GNAQ: variants seen among roughly 807,000 people sequenced by gnomAD.
The protein encoded by GNAQ is G protein subunit alpha q.
GNAQ carries 8 observed loss-of-function variants against 43.9 expected under a neutral mutation model. The observed-to-expected ratio is 0.18, with a 90% CI of 0.11 to 0.33. The LOEUF is 0.33. Among genes scored for constraint, GNAQ ranks in the 10% least tolerant of loss-of-function variants. The pLI, the probability that GNAQ is intolerant of heterozygous loss-of-function variation, is 1.00. For missense variants in GNAQ, 158 were observed against 450.8 expected, an observed-to-expected ratio of 0.35 and a Z score of 5.88; for synonymous variants, 155 against 170.7, an observed-to-expected ratio of 0.91 and a Z score of 0.71.
intron 1 of GNAQ, among the ~76,000 whole-genome samples, chr9:78,027,157 A>T (rs1481541027): frequency 6.6e-6 from 1 of 152,234 alleles, no homozygotes; most frequent in African/African-American, 2.4e-5. Context: ...TGTGTGATGC[A>T]ACATCTTACA....
At chr9:77,780,494 C>T (rs1158075492) in intron 5 of GNAQ, among the ~76,000 whole-genome samples, 1 of 150,792 alleles carries the variant, frequency 6.6e-6, no homozygotes, top group East Asian at 1.9e-4. Flanking sequence ...ATACATACTA[C>T]ATTTTCTTTA....
chr9:77,857,875 T>G (rs1264173054), intron 2 of GNAQ, among the ~76,000 whole-genome samples: 1 of 127,208 alleles, frequency 7.9e-6, no homozygotes, highest in Admixed American at 7.2e-5. Flanking sequence ...AATAAAGGTT[T>G]TTTTTTTTTT....
chr9:77,775,614 C>T (rs190144124), intron 5 of GNAQ, among the ~76,000 whole-genome samples: 13 of 151,870 alleles, frequency 8.6e-5, no homozygotes, highest in Admixed American at 6.6e-4. Context: ...GGGGTTTCAC[C>T]ATGGTCTCGA....
chr9:77,996,689 AAAAAAAAGAAAAAAG>A (rs1823573826), intron 1 of GNAQ, among the ~76,000 whole-genome samples: 2 of 150,962 alleles, frequency 1.3e-5, no homozygotes, highest in African/African-American at 2.5e-5. Context: ...AAAAAAAAAA[AAAAAAAAGAAAAAAG>A]AAAAAAAGAA....
chr9:77,856,029 T>C (rs776919727), intron 2 of GNAQ, among the ~76,000 whole-genome samples: 3 of 152,238 alleles, frequency 2.0e-5, no homozygotes, highest in Non-Finnish European at 4.4e-5. Context: ...TCATAGATCT[T>C]GCTTACCAAC....
intron 1 of GNAQ, among the ~76,000 whole-genome samples, chr9:78,026,990 G>C (rs534320061): frequency 6.6e-6 from 1 of 152,136 alleles, no homozygotes; most frequent in Non-Finnish European, 1.5e-5. Flanking sequence ...GGAGAAAAAT[G>C]TATGGTAAAA....
chr9:77,976,584 G>T (rs1015342277), intron 1 of GNAQ, among the ~76,000 whole-genome samples: 4 of 152,226 alleles, frequency 2.6e-5, no homozygotes, highest in African/African-American at 7.2e-5. Flanking sequence ...CAGAGATGGG[G>T]TTTCACCATA....
At chr9:77,726,580 A>T (rs1587885101) in intron 6 of GNAQ, among the ~76,000 whole-genome samples, 1 of 152,216 alleles carries the variant, frequency 6.6e-6, no homozygotes, top group African/African-American at 2.4e-5. Flanking sequence ...TAAAGTAATT[A>T]CTTTTCTGAG....
chr9:78,015,861 C>T (rs548742989), intron 1 of GNAQ, among the ~76,000 whole-genome samples: 88 of 152,114 alleles, frequency 5.8e-4, no homozygotes, highest in African/African-American at 2.0e-3. Context: ...TTAAACACTA[C>T]TAATTCAAAT....
intron 1 of GNAQ, among the ~76,000 whole-genome samples, chr9:77,969,672 A>T (rs191132098): frequency 6.6e-6 from 1 of 152,370 alleles, no homozygotes; most frequent in African/African-American, 2.4e-5. Context: ...AAAACAACCC[A>T]GCTTACTTTC....
chr9:77,958,880 G>A (rs969070282), intron 1 of GNAQ, among the ~76,000 whole-genome samples: 1 of 152,096 alleles, frequency 6.6e-6, no homozygotes, highest in Non-Finnish European at 1.5e-5. Flanking sequence ...GCAACCCTTG[G>A]CAAACTCCTC....
chr9:77,965,458 A>G (rs1249653623), intron 1 of GNAQ, among the ~76,000 whole-genome samples: 1 of 152,222 alleles, frequency 6.6e-6, no homozygotes, highest in African/African-American at 2.4e-5. Context: ...AATACTTGCA[A>G]AGCATACATA....
chr9:77,951,200 C>T (rs769080420), intron 1 of GNAQ, among the ~76,000 whole-genome samples: 5 of 146,222 alleles, frequency 3.4e-5, no homozygotes, highest in South Asian at 2.2e-4. Flanking sequence ...TGGGTTCAAG[C>T]GATTCTCCTG....
intron 1 of GNAQ, among the ~76,000 whole-genome samples, chr9:77,940,506 G>A (rs1829299234): frequency 6.6e-6 from 1 of 152,106 alleles, no homozygotes; most frequent in Non-Finnish European, 1.5e-5. Context: ...TTGAGCCTGG[G>A]AGGTCAAGGC....
intron 2 of GNAQ, among the ~76,000 whole-genome samples, chr9:77,869,547 T>C (rs1289322732): frequency 6.6e-6 from 1 of 152,176 alleles, no homozygotes; most frequent in Non-Finnish European, 1.5e-5. Flanking sequence ...TATATAAATG[T>C]AAAGAGGACA....
At chr9:77,914,657 C>T (rs1300037797) in intron 2 of GNAQ, among the ~76,000 whole-genome samples, 8 of 151,616 alleles carry the variant, frequency 5.3e-5, no homozygotes, top group East Asian at 1.9e-4. Flanking sequence ...AGCAAAACTC[C>T]GTCTCAAAAC....
At chr9:77,941,992 A>C (rs1175538000) in intron 1 of GNAQ, among the ~76,000 whole-genome samples, 1 of 151,964 alleles carries the variant, frequency 6.6e-6, no homozygotes, top group African/African-American at 2.4e-5. Context: ...TCTATAATAA[A>C]GTGTTGAAAG....
At chr9:77,999,956 G>A (rs973134526) in intron 1 of GNAQ, among the ~76,000 whole-genome samples, 3 of 152,086 alleles carry the variant, frequency 2.0e-5, no homozygotes, top group African/African-American at 7.2e-5. Context: ...GCCAAAACAG[G>A]TTAATTTCTC....
intron 1 of GNAQ, among the ~76,000 whole-genome samples, chr9:78,028,335 C>T (rs993917832): frequency 2.6e-5 from 4 of 152,006 alleles, no homozygotes; most frequent in African/African-American, 7.2e-5. Context: ...TATAAGCATA[C>T]GGAATAAATT....
Sources: allele counts gnomAD v4.1 joint callset (sites outside exome capture counted in the v4.1 genomes callset), GRCh38; gene constraint gnomAD v4.1.1; transcripts MANE v1.5; gene names NCBI Gene and HGNC (gene_info 2026-07-23, HGNC 2026-07-21).